Variants in SUCLG2 observed in about 807,000 individuals in gnomAD.
The protein encoded by SUCLG2 is succinate-CoA ligase GDP-forming subunit beta, also known as succinate--CoA ligase [GDP-forming] subunit beta, mitochondrial.
A neutral mutation model predicts 47.9 loss-of-function variants in SUCLG2; 42 were observed. The observed-to-expected ratio is 0.88, with a 90% confidence interval of 0.69 to 1.14. SUCLG2 has a LOEUF of 1.14. Ranked by LOEUF, SUCLG2 falls within the 50% of genes most tolerant of loss-of-function variation. SUCLG2 has a pLI of 0.00. For synonymous variants in SUCLG2, 195 were observed against 197.3 expected (o/e 0.99, Z 0.10); for missense variants, 571 against 525.9 (o/e 1.09, Z -0.84).
chr3:67,549,273 G>A (rs574026444), intron 2 of SUCLG2, among the ~76,000 whole-genome samples: 3 of 152,102 alleles, frequency 2.0e-5, no homozygotes, highest in South Asian at 4.1e-4. Context: ...ATGAAGTGAC[G>A]AAAACGACTA....
rs73088954 is a variant in SUCLG2 at position 67,506,608 on chromosome 3, C to G, written c.757+2199G>C. On this transcript the variant is annotated intron_variant, in intron 7 of 10. Coordinates refer to ENST00000307227, the MANE Select transcript of SUCLG2 (RefSeq NM_003848.4). The stretch of plus-strand genomic sequence containing the variant: ...TGTTCCCTGAAGCGAGAACACAGCT[C>G]GTGACTGCTTCCCAAAGGGTTGAAT... 1.2e-3 allele frequency among the ~76,000 whole-genome samples: 181 copies of G among 152,276 alleles called. 1 individual carries two copies. The highest frequency in any genetic ancestry group is 3.4e-3 in the Middle Eastern group (1 of 294).
At chr3:67,387,190 A>T (rs1204254876) in intron 10 of SUCLG2, among the ~76,000 whole-genome samples, 6 of 152,250 alleles carry the variant, frequency 3.9e-5, no homozygotes. Context: ...AGAAGTGTAA[A>T]TGCAGCATAA....
intron 9 of SUCLG2, among the ~76,000 whole-genome samples, chr3:67,414,928 T>G (rs1170704299): frequency 6.6e-6 from 1 of 152,202 alleles, no homozygotes; most frequent in Non-Finnish European, 1.5e-5. Context: ...CAATCACAGC[T>G]CATTGCAGAC....
At chr3:67,603,077 A>G (rs1423540467) in intron 2 of SUCLG2, among the ~76,000 whole-genome samples, 1 of 152,206 alleles carries the variant, frequency 6.6e-6, no homozygotes, top group African/African-American at 2.4e-5. Flanking sequence ...CTCATGGACC[A>G]CATATGCCAT....
chr3:67,563,855 G>A (rs369595223), intron 2 of SUCLG2, among the ~76,000 whole-genome samples: 1 of 151,562 alleles, frequency 6.6e-6, no homozygotes, highest in East Asian at 1.9e-4. Flanking sequence ...CAGCTACTCA[G>A]GAGGCTGAGG....
chr3:67,459,186 C>T (rs190525872), intron 9 of SUCLG2, among the ~76,000 whole-genome samples: 190 of 152,186 alleles, frequency 1.2e-3, no homozygotes, highest in African/African-American at 3.5e-3. Context: ...TTACGTTTTC[C>T]TCATTCTCAA....
intron 10 of SUCLG2, among the ~76,000 whole-genome samples, chr3:67,385,510 T>G (rs943931033): frequency 6.6e-6 from 1 of 152,216 alleles, no homozygotes; most frequent in Non-Finnish European, 1.5e-5. Context: ...AATATTTGAA[T>G]GGAGAAAGTT....
At chr3:67,536,459 T>C (rs914479018) in intron 2 of SUCLG2, among the ~76,000 whole-genome samples, 5 of 152,222 alleles carry the variant, frequency 3.3e-5, no homozygotes, top group Non-Finnish European at 5.9e-5. Flanking sequence ...CCAGAATCTT[T>C]GCCCTGCTGT....
intron 10 of SUCLG2, among the ~76,000 whole-genome samples, chr3:67,397,372 A>G (rs1461152569): frequency 1.3e-4 from 19 of 151,654 alleles, no homozygotes; most frequent in African/African-American, 4.6e-4. Context: ...ATTCTTATAC[A>G]CCAATAACAG....
At chr3:67,432,541 A>G (rs1257743407) in intron 9 of SUCLG2, among the ~76,000 whole-genome samples, 2 of 152,190 alleles carry the variant, frequency 1.3e-5, no homozygotes, top group East Asian at 1.9e-4. Context: ...TCTAATTTCT[A>G]TCCTTATGCC....
chr3:67,370,728 T>A (rs1202280594), downstream of SUCLG2, among the ~76,000 whole-genome samples: 1 of 152,214 alleles, frequency 6.6e-6, no homozygotes, highest in East Asian at 1.9e-4. Flanking sequence ...ATAAAAGTTA[T>A]ATGAATGTGG....
intron 1 of SUCLG2, among the ~76,000 whole-genome samples, chr3:67,624,258 T>C (rs1413968923): frequency 1.3e-5 from 2 of 152,172 alleles, no homozygotes; most frequent in Non-Finnish European, 2.9e-5. Flanking sequence ...AAGAAATGAC[T>C]TGTAGAGTAG....
intron 1 of SUCLG2, among the ~76,000 whole-genome samples, chr3:67,612,992 A>G (rs1421292817): frequency 1.3e-5 from 2 of 152,238 alleles, no homozygotes; most frequent in Non-Finnish European, 2.9e-5. Flanking sequence ...GAAGAGGTGT[A>G]CATAACAAGG....
At chr3:67,449,457 T>G (rs1575704087) in intron 9 of SUCLG2, among the ~76,000 whole-genome samples, 2 of 152,196 alleles carry the variant, frequency 1.3e-5, no homozygotes, top group East Asian at 3.9e-4. Flanking sequence ...GTGAATAATT[T>G]AACTTCCAAA....
chr3:67,542,371 A>G (rs951369634), intron 2 of SUCLG2, among the ~76,000 whole-genome samples: 6 of 152,252 alleles, frequency 3.9e-5, no homozygotes, highest in African/African-American at 1.4e-4. Flanking sequence ...AGCCACTGCA[A>G]AAACATACCA....
At chr3:67,469,216 C>G (rs184312410) in intron 9 of SUCLG2, among the ~76,000 whole-genome samples, 42 of 152,274 alleles carry the variant, frequency 2.8e-4, no homozygotes, top group African/African-American at 9.4e-4. Context: ...CTGTGGTAAG[C>G]ATTTTGAGCT....
At chr3:67,626,956 C>T (rs946040169) in intron 1 of SUCLG2, among the ~76,000 whole-genome samples, 4 of 142,150 alleles carry the variant, frequency 2.8e-5, no homozygotes, top group African/African-American at 7.9e-5. Context: ...ATCAGACAGA[C>T]GTGAGAGGAC....
chr3:67,463,925 A>G (rs1282875328), intron 9 of SUCLG2, among the ~76,000 whole-genome samples: 2 of 152,260 alleles, frequency 1.3e-5, no homozygotes, highest in African/African-American at 4.8e-5. Flanking sequence ...AGGAGGTATG[A>G]AAACAGCAGC....
intron 1 of SUCLG2, among the ~76,000 whole-genome samples, chr3:67,623,192 C>T (rs999887750): frequency 1.8e-4 from 27 of 152,224 alleles, no homozygotes; most frequent in African/African-American, 6.3e-4. Context: ...CATCTCCATG[C>T]AAAGTGTTCA....
Sources: allele counts gnomAD v4.1 joint callset (sites outside exome capture counted in the v4.1 genomes callset), GRCh38; gene constraint gnomAD v4.1.1; transcripts MANE v1.5; gene names NCBI Gene and HGNC (gene_info 2026-07-23, HGNC 2026-07-21).